Variants in AGBL1 observed in about 807,000 individuals in gnomAD.
AGBL1 encodes cytosolic carboxypeptidase 4.
Under a neutral mutation model 118.9 loss-of-function variants are expected in AGBL1, and 130 were observed. The ratio of observed to expected loss-of-function variants is 1.09; its 90% CI spans 0.95 to 1.26. The LOEUF (loss-of-function observed/expected upper bound fraction) is 1.26. Ranked by LOEUF, AGBL1 falls within the 50% of genes most tolerant of loss-of-function variation. The probability of loss-of-function intolerance (pLI) is 0.00; values close to 1 mark genes in which losing one functional copy is unlikely to be tolerated. For synonymous variants in AGBL1, 555 were observed against 478.9 expected, an observed-to-expected ratio of 1.16 and a Z score of -2.08; for missense variants, 1,584 against 1,298.1, an observed-to-expected ratio of 1.22 and a Z score of -3.38.
rs369764698 is a variant in AGBL1 at position 86,904,541 on chromosome 15, G to A, written c.3159-2546G>A. Among the ~76,000 whole-genome samples the A allele has an allele frequency of 7.4e-5, 11 of 148,738 alleles. No homozygotes were observed. In the East Asian group the frequency reaches 1.2e-3, roughly 16 times the overall value. ...TTGAGACTCCTAAATTTATATATAT[G>A]TTTATAACATATTATGTTACATAAT... On this transcript the variant is annotated intron_variant, in intron 22 of 22. Transcript: ENST00000614907.
chr15:86,319,753 T>G (rs1391656412), intron 17 of AGBL1, among the ~76,000 whole-genome samples: 1 of 38,086 alleles, frequency 2.6e-5, no homozygotes, highest in African/African-American at 8.0e-5. Flanking sequence ...GTTTTTTTTT[T>G]TTTTTTTTTT....
chr15:86,516,197 G>A (rs1331868689), intron 18 of AGBL1, among the ~76,000 whole-genome samples: 1 of 152,178 alleles, frequency 6.6e-6, no homozygotes, highest in Non-Finnish European at 1.5e-5. Context: ...TCAGGTGAAC[G>A]GAGGGTTGGC....
intron 19 of AGBL1, among the ~76,000 whole-genome samples, chr15:86,540,482 C>T (rs1212137928): frequency 6.6e-6 from 1 of 152,046 alleles, no homozygotes; most frequent in African/African-American, 2.4e-5. Context: ...GCAGTCCTGG[C>T]TACTCGGAAG....
intron 22 of AGBL1, among the ~76,000 whole-genome samples, chr15:86,712,324 T>A (rs1392623235): frequency 3.3e-5 from 5 of 152,098 alleles, no homozygotes; most frequent in African/African-American, 1.2e-4. Context: ...TTTCTTTCTT[T>A]GCTTGTACTT....
At chr15:86,952,226 C>G (rs2080887194) in intron 23 of AGBL1, among the ~76,000 whole-genome samples, 1 of 147,992 alleles carries the variant, frequency 6.8e-6, no homozygotes, top group South Asian at 2.1e-4. Context: ...AAAACTCTGT[C>G]TCAAAAAAAA....
intron 24 of AGBL1, among the ~76,000 whole-genome samples, chr15:86,998,279 C>G (rs937782403): frequency 6.6e-6 from 1 of 152,158 alleles, no homozygotes; most frequent in Non-Finnish European, 1.5e-5. Flanking sequence ...TAGATTCTCT[C>G]AATTGACTCT....
At chr15:86,410,839 T>TATATATAA (rs1311325970) in intron 18 of AGBL1, among the ~76,000 whole-genome samples, 3 of 68,152 alleles carry the variant, frequency 4.4e-5, no homozygotes, top group Non-Finnish European at 8.1e-5. Context: ...TATATATATA[T>TATATATAA]ATAATATACT....
At chr15:86,927,832 G>A (rs2080561616) in intron 23 of AGBL1, among the ~76,000 whole-genome samples, 1 of 152,068 alleles carries the variant, frequency 6.6e-6, no homozygotes, top group Admixed American at 6.6e-5. Context: ...GACAAACCTA[G>A]GTTGCAATAT....
chr15:86,699,005 T>C (rs1031469516), intron 22 of AGBL1, among the ~76,000 whole-genome samples: 2 of 152,080 alleles, frequency 1.3e-5, no homozygotes, highest in African/African-American at 2.4e-5. Flanking sequence ...TCTATAACTT[T>C]CTTTTCAAAT....
chr15:86,323,161 A>AT (rs35325465), intron 17 of AGBL1, among the ~76,000 whole-genome samples: 90,886 of 147,570 alleles, frequency 0.62, 28,377 homozygotes, highest in African/African-American at 0.74. Context: ...CAGCATAGTG[A>AT]TTTTTTTTTT....
At chr15:86,117,713 C>T (rs922612078) in intron 1 of AGBL1, among the ~76,000 whole-genome samples, 1 of 152,290 alleles carries the variant, frequency 6.6e-6, no homozygotes, top group South Asian at 2.1e-4. Flanking sequence ...TCAAATGGGA[C>T]ACGTCATCCT....
chr15:86,735,026 G>C (rs372680366), intron 22 of AGBL1, among the ~76,000 whole-genome samples: 4 of 149,780 alleles, frequency 2.7e-5, no homozygotes, highest in South Asian at 4.2e-4. Context: ...ATGTTCATAG[G>C]CATCATACTC....
chr15:86,737,190 G>T (rs1396362765), intron 22 of AGBL1, among the ~76,000 whole-genome samples: 1 of 152,180 alleles, frequency 6.6e-6, no homozygotes, highest in Admixed American at 6.5e-5. Flanking sequence ...TGTTTTCAGT[G>T]ACTGGGGGAA....
At chr15:86,674,562 T>C (rs1023406273) in intron 22 of AGBL1, 126 bp downstream of exon 22, 2 of 953,768 alleles carry the variant, frequency 2.1e-6, no homozygotes, top group Non-Finnish European at 3.0e-6. Context: ...AATTCCCAAG[T>C]AAAGGTAGGT....
chr15:86,411,687 G>A (rs1326170577), intron 18 of AGBL1, among the ~76,000 whole-genome samples: 1 of 151,892 alleles, frequency 6.6e-6, no homozygotes, highest in Non-Finnish European at 1.5e-5. Context: ...CCTTCCCTCT[G>A]GTCCGATAAC....
At chr15:86,941,368 T>C (rs2080749463) in intron 23 of AGBL1, among the ~76,000 whole-genome samples, 1 of 152,166 alleles carries the variant, frequency 6.6e-6, no homozygotes. Flanking sequence ...AATATAAATA[T>C]TCTAATAGGG....
At chr15:86,379,955 T>G (rs1032315789) in intron 17 of AGBL1, among the ~76,000 whole-genome samples, 1 of 152,204 alleles carries the variant, frequency 6.6e-6, no homozygotes, top group African/African-American at 2.4e-5. Flanking sequence ...CAAAGTAAAT[T>G]TAAATGATGA....
chr15:86,698,054 A>T (rs1212785214), intron 22 of AGBL1, among the ~76,000 whole-genome samples: 1 of 152,028 alleles, frequency 6.6e-6, no homozygotes, highest in Non-Finnish European at 1.5e-5. Flanking sequence ...GAGTCTCCAC[A>T]TGCTGCTCTG....
chr15:86,940,191 T>A (rs1314315448), intron 23 of AGBL1, among the ~76,000 whole-genome samples: 1 of 150,620 alleles, frequency 6.6e-6, no homozygotes, highest in Admixed American at 6.7e-5. Flanking sequence ...GACATGAGCC[T>A]GTGCCCGGTT....
Sources: gnomAD v4.1 joint callset for allele counts (sites outside exome capture counted in the v4.1 genomes callset) on GRCh38, gnomAD v4.1.1 for gene constraint, MANE v1.5 for transcripts, NCBI Gene and HGNC (gene_info 2026-07-23, HGNC 2026-07-21) for gene names.